Variants in ROBO2 observed in about 807,000 individuals in gnomAD.
ROBO2 encodes the protein roundabout guidance receptor 2, also known as roundabout homolog 2.
ROBO2 carries 53 observed loss-of-function variants against 160.8 expected under a neutral mutation model. That is an observed-to-expected ratio of 0.33 (90% CI 0.26 to 0.41). The LOEUF (loss-of-function observed/expected upper bound fraction) is 0.41. ROBO2 is among the 10% of genes least tolerant of loss of function. The pLI, the probability that ROBO2 is intolerant of heterozygous loss-of-function variation, is 1.00. For synonymous variants in ROBO2, 664 were observed against 611.7 expected (o/e 1.09, Z -1.26); for missense variants, 1,577 against 1,722.4 (o/e 0.92, Z 1.49).
chr3:76,829,169 A>G (rs1559566380), intron 2 of ROBO2, among the ~76,000 whole-genome samples: 1 of 152,032 alleles, frequency 6.6e-6, no homozygotes, highest in Non-Finnish European at 1.5e-5. Flanking sequence ...CACCAAACTC[A>G]CATAATCTAT....
At chr3:76,252,526 A>G (rs553251907) in intron 2 of ROBO2, among the ~76,000 whole-genome samples, 3 of 152,114 alleles carry the variant, frequency 2.0e-5, no homozygotes, top group African/African-American at 7.2e-5. Flanking sequence ...CCAGAGAAAC[A>G]ATTCCAATAT....
At chr3:76,175,596 G>T (rs1182498332) in intron 2 of ROBO2, among the ~76,000 whole-genome samples, 1 of 152,006 alleles carries the variant, frequency 6.6e-6, no homozygotes, top group Non-Finnish European at 1.5e-5. Context: ...TACACCATAT[G>T]TCTGTAACAA....
chr3:77,563,495 T>C (rs1582970081), intron 11 of ROBO2, among the ~76,000 whole-genome samples, 166 bp downstream of exon 12: 1 of 152,326 alleles, frequency 6.6e-6, no homozygotes, highest in South Asian at 2.1e-4. Flanking sequence ...TAATTTTTTT[T>C]AGTTTACAAC....
intron 2 of ROBO2, among the ~76,000 whole-genome samples, chr3:76,798,189 A>AG (rs2063862853): frequency 2.0e-5 from 3 of 149,740 alleles, no homozygotes; most frequent in African/African-American, 7.4e-5. Context: ...AGAAAGAAAG[A>AG]AAAAGAAGAA....
At chr3:76,202,025 C>G (rs959299220) in intron 2 of ROBO2, among the ~76,000 whole-genome samples, 1 of 151,728 alleles carries the variant, frequency 6.6e-6, no homozygotes, top group African/African-American at 2.4e-5. Context: ...GAAAATGGAA[C>G]AAATAGGGAA....
At chr3:76,064,232 G>A (rs948993767) in intron 2 of ROBO2, among the ~76,000 whole-genome samples, 9 of 152,164 alleles carry the variant, frequency 5.9e-5, no homozygotes, top group East Asian at 1.9e-4. Context: ...AATAATGCTC[G>A]TGTGTTGTGT....
At chr3:77,467,616 TATCTATCTATCTATC>T (rs1183377486) in intron 2 of ROBO2, among the ~76,000 whole-genome samples, 1 of 150,066 alleles carries the variant, frequency 6.7e-6, no homozygotes, top group East Asian at 2.0e-4. Flanking sequence ...TCTATCTATC[TATCTATCTATCTATC>T]ATCTATCTAT....
intron 2 of ROBO2, among the ~76,000 whole-genome samples, chr3:77,156,875 T>G (rs1309685108): frequency 6.6e-6 from 1 of 151,896 alleles, no homozygotes; most frequent in Admixed American, 6.6e-5. Flanking sequence ...TTCTTCTGTT[T>G]CTAATGCTTA....
chr3:76,080,712 T>TTA (rs2068796458), intron 2 of ROBO2, among the ~76,000 whole-genome samples: 1 of 152,208 alleles, frequency 6.6e-6, no homozygotes, highest in Non-Finnish European at 1.5e-5. Flanking sequence ...CAGGGGCAAA[T>TTA]TATCTGTTAG....
chr3:76,708,764 T>G (rs989841133), intron 2 of ROBO2, among the ~76,000 whole-genome samples: 3 of 152,188 alleles, frequency 2.0e-5, no homozygotes. Flanking sequence ...AGAACCAGAA[T>G]GAATGGATGA....
chr3:77,001,877 A>G (rs1056772784), intron 2 of ROBO2, among the ~76,000 whole-genome samples: 3 of 152,182 alleles, frequency 2.0e-5, no homozygotes, highest in Non-Finnish European at 4.4e-5. Context: ...GAGCTGATCA[A>G]TGTGAAGGAT....
At chr3:77,534,646 A>G (rs2091970343) in intron 6 of ROBO2, among the ~76,000 whole-genome samples, 1 of 152,226 alleles carries the variant, frequency 6.6e-6, no homozygotes, top group South Asian at 2.1e-4. Context: ...GGAATAGTAC[A>G]TAATTAGATT....
chr3:77,133,523 T>C (rs1441150163), intron 2 of ROBO2, among the ~76,000 whole-genome samples: 1 of 152,158 alleles, frequency 6.6e-6, no homozygotes, highest in Non-Finnish European at 1.5e-5. Context: ...CAAATTATGA[T>C]TAGGAAAGGA....
rs576236271 is a variant in ROBO2 at position 77,203,812 on chromosome 3, C to T, written c.388+105472C>T. ...TTGCTGCAACTCTATGAGACAGGAA[C>T]TTTATTCACACCGATTTTGCAGATA... On this transcript the variant is annotated intron_variant, in intron 2 of 25. Transcript: ENST00000461745. 3.9e-4 allele frequency among the ~76,000 whole-genome samples: 59 copies of T among 152,286 alleles called. No individual in the cohort carries two copies. The South Asian group carries it at 8.9e-3, about 23-fold the overall frequency.
intron 2 of ROBO2, among the ~76,000 whole-genome samples, chr3:77,410,675 C>CTCCTCCTCCTCT (rs1388866158): frequency 1.5e-5 from 2 of 137,002 alleles, no homozygotes; most frequent in Admixed American, 7.3e-5. Flanking sequence ...CCTCCTCTTC[C>CTCCTCCTCCTCT]TCCTCCTCCT....
chr3:76,686,587 A>G (rs2092690336), intron 2 of ROBO2, among the ~76,000 whole-genome samples: 1 of 152,108 alleles, frequency 6.6e-6, no homozygotes. Context: ...GGAGACTTGC[A>G]ATACCCCATT....
chr3:76,908,756 A>G (rs899079367), intron 2 of ROBO2, among the ~76,000 whole-genome samples: 5 of 152,186 alleles, frequency 3.3e-5, no homozygotes, highest in African/African-American at 1.2e-4. Flanking sequence ...TGGTTATTCT[A>G]CTATTTCATA....
chr3:77,579,275 A>G (rs77882206), intron 15 of ROBO2, among the ~76,000 whole-genome samples: 4,085 of 152,170 alleles, frequency 0.027, 128 homozygotes, highest in East Asian at 0.13. Context: ...CTTAACATCA[A>G]TATCTAAAGA....
intron 1 of ROBO2, among the ~76,000 whole-genome samples, chr3:77,057,950 C>G (rs1439689106): frequency 6.6e-6 from 1 of 151,730 alleles, no homozygotes; most frequent in African/African-American, 2.4e-5. Context: ...TGTAACAAAG[C>G]TGCACGTTCT....
Sources: gnomAD v4.1 joint callset for allele counts (sites outside exome capture counted in the v4.1 genomes callset) on GRCh38, gnomAD v4.1.1 for gene constraint, MANE v1.5 for transcripts, NCBI Gene and HGNC (gene_info 2026-07-23, HGNC 2026-07-21) for gene names.